Variants in CTNNA3 observed in about 807,000 individuals in gnomAD.
The protein encoded by CTNNA3 is catenin alpha-3.
Under a neutral mutation model 95.7 loss-of-function variants are expected in CTNNA3, and 76 were observed. That is an observed-to-expected ratio of 0.79 (90% CI 0.66 to 0.96). The LOEUF (loss-of-function observed/expected upper bound fraction) is 0.96, where lower values mean the gene tolerates loss of function less well. CTNNA3 is among the 40% of genes least tolerant of loss of function. The pLI is 0.00. For missense variants in CTNNA3, 1,191 were observed against 1,089.8 expected (o/e 1.09, Z -1.31); for synonymous variants, 431 against 374.4 (o/e 1.15, Z -1.74).
At chr10:67,573,373 A>G (rs181881952) in intron 3 of CTNNA3, among the ~76,000 whole-genome samples, 81 of 152,250 alleles carry the variant, frequency 5.3e-4, no homozygotes, top group African/African-American at 1.9e-3. Flanking sequence ...ACTTGCTTGG[A>G]GAAGGGTGAC....
At position 66,581,887 on chromosome 10, in the gene CTNNA3, A is replaced by G. The variant is rs1272243142; in HGVS notation, c.1374+39805T>C. ...CTACATGTGACTATGCAATTTTTCT[A>G]GCACCCTTTATTGAACAGAATGTCC... On this transcript the variant is annotated intron_variant, in intron 10 of 17. Transcript: ENST00000433211. Among the ~76,000 whole-genome samples, 7 of 151,682 alleles carry G rather than the reference A, an allele frequency of 4.6e-5. No homozygotes were observed. The East Asian group carries it at 1.4e-3, about 29-fold the overall frequency.
chr10:67,623,003 G>T (rs551891654), intron 2 of CTNNA3, among the ~76,000 whole-genome samples: 1 of 152,194 alleles, frequency 6.6e-6, no homozygotes, highest in East Asian at 1.9e-4. Context: ...TCCAATATTT[G>T]CTTACAACGT....
intron 11 of CTNNA3, among the ~76,000 whole-genome samples, chr10:66,482,506 T>C (rs1408225533): frequency 6.6e-6 from 1 of 152,142 alleles, no homozygotes; most frequent in Non-Finnish European, 1.5e-5. Context: ...GCCGCACTGC[T>C]TTTAAGTAGG....
At chr10:66,516,896 A>G (rs890642613) in intron 11 of CTNNA3, among the ~76,000 whole-genome samples, 4 of 152,196 alleles carry the variant, frequency 2.6e-5, no homozygotes, top group Admixed American at 6.5e-5. Context: ...AAGAGGGAAC[A>G]TGAACAGAAT....
chr10:67,710,429 G>T (rs1287494432), intron 1 of CTNNA3, among the ~76,000 whole-genome samples: 1 of 152,188 alleles, frequency 6.6e-6, no homozygotes, highest in African/African-American at 2.4e-5. Flanking sequence ...TTCTGAGGGA[G>T]AAGTTAATTC....
chr10:66,337,450 G>A (rs940324611), intron 12 of CTNNA3, among the ~76,000 whole-genome samples: 6 of 152,046 alleles, frequency 3.9e-5, no homozygotes, highest in Admixed American at 3.9e-4. Flanking sequence ...ACAGTGCTAT[G>A]AGCCAGATAT....
intron 7 of CTNNA3, among the ~76,000 whole-genome samples, chr10:66,931,496 G>C (rs1201999159): frequency 1.3e-5 from 2 of 152,194 alleles, no homozygotes; most frequent in African/African-American, 4.8e-5. Flanking sequence ...GATTTGGTGA[G>C]TGAACTACCT....
At chr10:66,050,810 T>C (rs959673690) in intron 15 of CTNNA3, among the ~76,000 whole-genome samples, 2 of 152,108 alleles carry the variant, frequency 1.3e-5, no homozygotes, top group Admixed American at 6.6e-5. Context: ...TCTTCATTAA[T>C]CCACAGGACA....
intron 7 of CTNNA3, among the ~76,000 whole-genome samples, chr10:66,776,703 T>C (rs1361272452): frequency 6.6e-6 from 1 of 152,150 alleles, no homozygotes; most frequent in Non-Finnish European, 1.5e-5. Flanking sequence ...CCTACTGAAG[T>C]CCTATCTACT....
At chr10:67,710,798 A>C (rs1004317878) in intron 1 of CTNNA3, among the ~76,000 whole-genome samples, 2 of 152,154 alleles carry the variant, frequency 1.3e-5, no homozygotes, top group Non-Finnish European at 2.9e-5. Context: ...CCTGACTGGG[A>C]TAGAATAGTG....
At chr10:66,369,336 G>A (rs997680316) in intron 12 of CTNNA3, among the ~76,000 whole-genome samples, 2 of 152,038 alleles carry the variant, frequency 1.3e-5, no homozygotes, top group Non-Finnish European at 2.9e-5. Context: ...GGCTTTATTC[G>A]AACTACTTCT....
At chr10:65,944,504 AG>A (rs2077479332) in intron 17 of CTNNA3, among the ~76,000 whole-genome samples, 1 of 152,248 alleles carries the variant, frequency 6.6e-6, no homozygotes, top group Admixed American at 6.5e-5. Context: ...TCCAGAAAAA[AG>A]AATTACTGCA....
intron 3 of CTNNA3, among the ~76,000 whole-genome samples, chr10:67,570,344 A>T (rs542843484): frequency 4.0e-5 from 6 of 151,756 alleles, no homozygotes; most frequent in Non-Finnish European, 5.9e-5. Flanking sequence ...GAGCTTCTTC[A>T]TTCTCATGAT....
chr10:66,446,815 T>C (rs2093425617), intron 11 of CTNNA3, among the ~76,000 whole-genome samples: 1 of 152,048 alleles, frequency 6.6e-6, no homozygotes, highest in African/African-American at 2.4e-5. Flanking sequence ...GTGTTGGAAG[T>C]TCTGGCCAGG....
intron 5 of CTNNA3, among the ~76,000 whole-genome samples, chr10:67,252,610 T>C (rs1461525231): frequency 1.3e-5 from 2 of 152,224 alleles, no homozygotes; most frequent in African/African-American, 4.8e-5. Flanking sequence ...TGATTTGAGT[T>C]TATACGATGC....
chr10:66,061,765 C>T (rs893393933), intron 15 of CTNNA3, among the ~76,000 whole-genome samples: 4 of 152,054 alleles, frequency 2.6e-5, no homozygotes, highest in African/African-American at 9.7e-5. Flanking sequence ...GACTCAACCC[C>T]ACACCTCATT....
chr10:67,107,282 C>G (rs1190929694), intron 7 of CTNNA3, among the ~76,000 whole-genome samples: 1 of 152,160 alleles, frequency 6.6e-6, no homozygotes, highest in Non-Finnish European at 1.5e-5. Flanking sequence ...CTAGGCAAGC[C>G]TACATATTTC....
At chr10:67,333,098 C>T (rs1490888914) in intron 5 of CTNNA3, among the ~76,000 whole-genome samples, 1 of 152,182 alleles carries the variant, frequency 6.6e-6, no homozygotes, top group African/African-American at 2.4e-5. Context: ...AAAGTGTAAG[C>T]ATGACTACTT....
chr10:67,684,860 T>C (rs2133575756), intron 1 of CTNNA3, among the ~76,000 whole-genome samples: 1 of 152,340 alleles, frequency 6.6e-6, no homozygotes, highest in Admixed American at 6.5e-5. Context: ...AGAAGCCATG[T>C]TGCCCAACTC....
Sources: gnomAD v4.1 joint callset for allele counts (sites outside exome capture counted in the v4.1 genomes callset) on GRCh38, gnomAD v4.1.1 for gene constraint, MANE v1.5 for transcripts, NCBI Gene and HGNC (gene_info 2026-07-23, HGNC 2026-07-21) for gene names.